LARGE1: variants seen among roughly 807,000 people sequenced by gnomAD.
LARGE1 encodes LARGE xylosyl- and glucuronyltransferase 1, also known as xylosyl- and glucuronyltransferase LARGE1.
LARGE1 carries 43 observed loss-of-function variants against 87.6 expected under a neutral mutation model. The ratio of observed to expected loss-of-function variants is 0.49; its 90% confidence interval spans 0.38 to 0.63. The LOEUF (loss-of-function observed/expected upper bound fraction) is 0.63. Ranked by LOEUF, LARGE1 falls within the 30% of genes least tolerant of loss-of-function variation. The pLI is 0.00. For synonymous variants in LARGE1, 434 were observed against 394.6 expected, an observed-to-expected ratio of 1.10 and a Z score of -1.18; for missense variants, 802 against 1,000.2, an observed-to-expected ratio of 0.80 and a Z score of 2.67.
chr22:33,647,949 G>A (rs2080671622), intron 3 of LARGE1, among the ~76,000 whole-genome samples: 1 of 152,090 alleles, frequency 6.6e-6, no homozygotes, highest in African/African-American at 2.4e-5. Flanking sequence ...AGTAGAGACG[G>A]GGTTTCACCA....
At chr22:33,232,265 T>G (rs1159791909) in intron 11 of LARGE1, among the ~76,000 whole-genome samples, 1 of 152,212 alleles carries the variant, frequency 6.6e-6, no homozygotes, top group East Asian at 1.9e-4. Flanking sequence ...AAAACGCCCA[T>G]GGCGTTTTAA....
chr22:33,100,847 T>G, the LARGE1 span, among the ~76,000 whole-genome samples: 1 of 151,756 alleles, frequency 6.6e-6, no homozygotes, highest in Non-Finnish European at 1.5e-5. Flanking sequence ...TCTATTTTTT[T>G]TTTTTTTTTG....
intron 11 of LARGE1, among the ~76,000 whole-genome samples, chr22:33,254,628 C>T (rs1255061857): frequency 6.6e-6 from 1 of 152,124 alleles, no homozygotes; most frequent in African/African-American, 2.4e-5. Flanking sequence ...AGCAAGTCAC[C>T]CAACCTCACT....
intron 1 of LARGE1, among the ~76,000 whole-genome samples, chr22:33,909,530 TTTTTTG>T (rs899457201): frequency 1.3e-5 from 2 of 151,004 alleles, no homozygotes; most frequent in Non-Finnish European, 1.5e-5. Context: ...TTGTTTTTTT[TTTTTTG>T]TTTTTGTTTT....
chr22:33,748,576 G>A (rs75574509), intron 2 of LARGE1, among the ~76,000 whole-genome samples: 1,819 of 152,216 alleles, frequency 0.012, 36 homozygotes, highest in African/African-American at 0.042. Context: ...CCCAATTTAC[G>A]CAGAGTCAAT....
At chr22:33,401,249 T>A (rs890073548) in intron 7 of LARGE1, among the ~76,000 whole-genome samples, 1 of 152,186 alleles carries the variant, frequency 6.6e-6, no homozygotes, top group Non-Finnish European at 1.5e-5. Flanking sequence ...GTTGAAGCTC[T>A]AATCCCCAGC....
At chr22:33,787,910 T>C (rs2085702327) in intron 1 of LARGE1, among the ~76,000 whole-genome samples, 1 of 152,190 alleles carries the variant, frequency 6.6e-6, no homozygotes, top group African/African-American at 2.4e-5. Flanking sequence ...CTTCTTAATA[T>C]CTTTAATGTA....
chr22:33,641,460 A>G (rs1208249242), intron 3 of LARGE1, among the ~76,000 whole-genome samples: 1 of 152,196 alleles, frequency 6.6e-6, no homozygotes, highest in Admixed American at 6.5e-5. Context: ...AACAAAAACC[A>G]GAATGCCTCT....
At chr22:33,731,978 T>C (rs2083485287) in intron 2 of LARGE1, among the ~76,000 whole-genome samples, 1 of 152,212 alleles carries the variant, frequency 6.6e-6, no homozygotes, top group African/African-American at 2.4e-5. Context: ...AGGAAAATAA[T>C]GATTAAGCAT....
At chr22:33,263,160 C>T (rs1001488666) in intron 11 of LARGE1, among the ~76,000 whole-genome samples, 1 of 152,030 alleles carries the variant, frequency 6.6e-6, no homozygotes. Flanking sequence ...CCCAAAGTGC[C>T]GGGATTACAG....
chr22:33,671,511 A>C (rs763282169), intron 2 of LARGE1, among the ~76,000 whole-genome samples: 51 of 152,212 alleles, frequency 3.4e-4, no homozygotes, highest in Non-Finnish European at 6.8e-4. Flanking sequence ...TCAAACCCTC[A>C]AGCTGTTAAT....
chr22:33,609,797 G>A (rs2079376770), intron 4 of LARGE1, among the ~76,000 whole-genome samples: 1 of 152,090 alleles, frequency 6.6e-6, no homozygotes, highest in Admixed American at 6.5e-5. Context: ...TCATGGCTTG[G>A]TGCTGTCCTC....
intron 4 of LARGE1, among the ~76,000 whole-genome samples, chr22:33,611,744 G>T (rs190745357): frequency 1.3e-5 from 2 of 152,284 alleles, no homozygotes; most frequent in East Asian, 3.9e-4. Flanking sequence ...ATATAGTTTG[G>T]ATATTTTTCC....
At chr22:33,684,893 T>C (rs890637740) in intron 2 of LARGE1, among the ~76,000 whole-genome samples, 7 of 152,218 alleles carry the variant, frequency 4.6e-5, no homozygotes, top group African/African-American at 1.7e-4. Flanking sequence ...TGTTCACCTT[T>C]CATTTCACTT....
intron 9 of LARGE1, among the ~76,000 whole-genome samples, chr22:33,347,740 C>T (rs934489388): frequency 1.9e-4 from 29 of 152,166 alleles, no homozygotes; most frequent in African/African-American, 6.8e-4. Context: ...TAACCTGCAC[C>T]TAGTTGCCTA....
At chr22:33,803,332 C>T (rs909445623) in intron 1 of LARGE1, among the ~76,000 whole-genome samples, 3 of 152,084 alleles carry the variant, frequency 2.0e-5, no homozygotes, top group Admixed American at 6.6e-5. Flanking sequence ...GTCTTGGGAA[C>T]GAGTTACTCC....
intron 11 of LARGE1, among the ~76,000 whole-genome samples, chr22:33,198,189 T>A (rs553727471): frequency 1.3e-5 from 2 of 152,268 alleles, no homozygotes; most frequent in South Asian, 4.1e-4. Flanking sequence ...AAATAATTTT[T>A]AAAAATATAA....
At chr22:33,504,155 A>T (rs1405913212) in intron 6 of LARGE1, among the ~76,000 whole-genome samples, 1 of 152,230 alleles carries the variant, frequency 6.6e-6, no homozygotes, top group African/African-American at 2.4e-5. Flanking sequence ...TAATGGATGC[A>T]GGATTTCTTT....
chr22:33,754,582 C>T (rs554934371), intron 2 of LARGE1, among the ~76,000 whole-genome samples: 7 of 152,180 alleles, frequency 4.6e-5, no homozygotes, highest in African/African-American at 1.2e-4. Flanking sequence ...GTGATCTGCC[C>T]GCCTCAGCCT....
Sources: allele counts gnomAD v4.1 joint callset (sites outside exome capture counted in the v4.1 genomes callset), GRCh38; gene constraint gnomAD v4.1.1; transcripts MANE v1.5; gene names NCBI Gene and HGNC (gene_info 2026-07-23, HGNC 2026-07-21).